Variants in MAGI2 observed in about 807,000 individuals in gnomAD.
MAGI2 encodes membrane-associated guanylate kinase, WW and PDZ domain-containing protein 2.
A neutral mutation model predicts 133.3 loss-of-function variants in MAGI2; 35 were observed. The ratio of observed to expected loss-of-function variants is 0.26; its 90% confidence interval spans 0.20 to 0.35. MAGI2 has a LOEUF of 0.35. Among genes scored for constraint, MAGI2 ranks in the 10% least tolerant of loss-of-function variants. MAGI2 has a pLI of 1.00. For missense variants in MAGI2, 1,636 were observed against 1,863.4 expected (o/e 0.88, Z 2.25); for synonymous variants, 729 against 710.6 (o/e 1.03, Z -0.41).
chr7:78,386,234 C>A (rs1795378634), intron 6 of MAGI2, among the ~76,000 whole-genome samples: 1 of 152,120 alleles, frequency 6.6e-6, no homozygotes, highest in Admixed American at 6.5e-5. Flanking sequence ...GCATTACTCT[C>A]TCCATACAGC....
At chr7:78,288,659 G>A (rs868864272) in intron 9 of MAGI2, among the ~76,000 whole-genome samples, 1 of 152,152 alleles carries the variant, frequency 6.6e-6, no homozygotes, top group African/African-American at 2.4e-5. Flanking sequence ...TCCTCAAGTG[G>A]GTCCCTGACT....
intron 3 of MAGI2, among the ~76,000 whole-genome samples, chr7:78,555,150 AAATAAATAAATAAATAAATAAATG>A (rs1799681759): frequency 9.6e-6 from 1 of 104,196 alleles, no homozygotes; most frequent in Admixed American, 1.0e-4. Context: ...ATAAATAAAT[AAATAAATAAATAAATAAATAAATG>A]AATGATAGAG....
intron 18 of MAGI2, among the ~76,000 whole-genome samples, chr7:78,129,588 G>C (rs1421378744): frequency 6.6e-6 from 1 of 152,122 alleles, no homozygotes; most frequent in African/African-American, 2.4e-5. Context: ...TTTGTGGTAT[G>C]AAAAAGTTCC....
At position 78,835,201 on chromosome 7, in the gene MAGI2, G is replaced by A. The variant is rs187324535; in HGVS notation, c.418+171889C>T. On this transcript the variant is annotated intron_variant, in intron 2 of 21. Transcript: ENST00000354212. ...TGCCATTTACCTTCCCACCAGCAAC[G>A]TACAAAGTTTCCAATTTCTCCAAAT... is the stretch of plus-strand genomic sequence containing the variant. Among the ~76,000 whole-genome samples, 6 of 152,240 alleles carry A rather than the reference G, an allele frequency of 3.9e-5. No individual in the cohort carries two copies. The East Asian group carries it at 7.7e-4, about 20-fold the overall frequency.
intron 1 of MAGI2, among the ~76,000 whole-genome samples, chr7:79,289,234 G>A (rs879716628): frequency 6.6e-6 from 1 of 152,100 alleles, no homozygotes; most frequent in Non-Finnish European, 1.5e-5. Flanking sequence ...TACAGTATCA[G>A]CTTCTCATTA....
chr7:78,353,152 G>C (rs181377763), intron 7 of MAGI2, among the ~76,000 whole-genome samples: 6 of 152,350 alleles, frequency 3.9e-5, no homozygotes, highest in African/African-American at 1.4e-4. Flanking sequence ...TTGAGTGAAA[G>C]TAGTGAATTA....
chr7:79,348,333 T>C (rs1333447403), intron 1 of MAGI2, among the ~76,000 whole-genome samples: 1 of 151,930 alleles, frequency 6.6e-6, no homozygotes, highest in Non-Finnish European at 1.5e-5. Flanking sequence ...CTGGTACTAT[T>C]TAATGTAATC....
intron 1 of MAGI2, among the ~76,000 whole-genome samples, chr7:79,270,685 C>A (rs890426226): frequency 2.0e-5 from 3 of 151,902 alleles, no homozygotes; most frequent in Non-Finnish European, 4.4e-5. Context: ...AGGATCTCTG[C>A]CATTAATTAG....
At chr7:79,302,135 T>A (rs2129559787) in intron 1 of MAGI2, among the ~76,000 whole-genome samples, 1 of 152,310 alleles carries the variant, frequency 6.6e-6, no homozygotes, top group African/African-American at 2.4e-5. Context: ...AAGAATGGCC[T>A]AATACAGTCA....
At chr7:78,868,927 G>A (rs1293102948) in intron 2 of MAGI2, among the ~76,000 whole-genome samples, 1 of 152,070 alleles carries the variant, frequency 6.6e-6, no homozygotes, top group East Asian at 1.9e-4. Flanking sequence ...CTAATTTTTT[G>A]TATTTTTAGT....
intron 1 of MAGI2, among the ~76,000 whole-genome samples, chr7:79,379,011 G>A (rs1044012842): frequency 6.4e-5 from 9 of 140,314 alleles, no homozygotes; most frequent in Non-Finnish European, 9.2e-5. Context: ...TGCACAACAC[G>A]CAGGTTTGTT....
At chr7:79,003,801 G>A (rs1484322906) in intron 2 of MAGI2, among the ~76,000 whole-genome samples, 1 of 152,136 alleles carries the variant, frequency 6.6e-6, no homozygotes, top group African/African-American at 2.4e-5. Flanking sequence ...GACATGAACA[G>A]ACATTTCTCA....
chr7:78,678,178 G>C (rs1240934011), intron 2 of MAGI2, among the ~76,000 whole-genome samples: 1 of 151,898 alleles, frequency 6.6e-6, no homozygotes, highest in Non-Finnish European at 1.5e-5. Context: ...AATCCAAAGG[G>C]GTTTTCATGA....
chr7:79,309,159 G>T (rs182543831), intron 1 of MAGI2, among the ~76,000 whole-genome samples: 411 of 151,794 alleles, frequency 2.7e-3, no homozygotes, highest in Middle Eastern at 6.9e-3. Context: ...ATGCTGTCTA[G>T]CTTAATTCAA....
At chr7:79,103,704 T>G (rs1029140079) in intron 1 of MAGI2, among the ~76,000 whole-genome samples, 4 of 151,868 alleles carry the variant, frequency 2.6e-5, no homozygotes, top group Admixed American at 6.6e-5. Flanking sequence ...TATTTTTTAT[T>G]TTTTATTTTT....
At chr7:78,918,633 C>G (rs1041664531) in intron 2 of MAGI2, among the ~76,000 whole-genome samples, 1 of 152,110 alleles carries the variant, frequency 6.6e-6, no homozygotes, top group African/African-American at 2.4e-5. Flanking sequence ...CATCACCACA[C>G]AATAGATATC....
chr7:78,149,351 T>C (rs3807694), intron 16 of MAGI2, among the ~76,000 whole-genome samples: 80,169 of 151,936 alleles, frequency 0.53, 21,824 homozygotes, highest in Non-Finnish European at 0.61. Context: ...TTGCCTTCAT[T>C]GCTCAAGAGT....
At chr7:79,394,325 T>C (rs1285539389) in intron 1 of MAGI2, among the ~76,000 whole-genome samples, 1 of 152,186 alleles carries the variant, frequency 6.6e-6, no homozygotes, top group Non-Finnish European at 1.5e-5. Context: ...TTGTTGCACC[T>C]GTAAAGACAT....
chr7:78,111,511 A>G (rs912757179), intron 20 of MAGI2, among the ~76,000 whole-genome samples: 2 of 152,252 alleles, frequency 1.3e-5, no homozygotes, highest in Admixed American at 6.5e-5. Context: ...AAAGAAATGG[A>G]GTCCTCCTCA....
Sources: allele counts gnomAD v4.1 joint callset (sites outside exome capture counted in the v4.1 genomes callset), GRCh38; gene constraint gnomAD v4.1.1; transcripts MANE v1.5; gene names NCBI Gene and HGNC (gene_info 2026-07-23, HGNC 2026-07-21).